DCP1A: variants seen among roughly 807,000 people sequenced by gnomAD.
The protein encoded by DCP1A is mRNA-decapping enzyme 1A.
Under a neutral mutation model 58.0 loss-of-function variants are expected in DCP1A, and 20 were observed. The observed-to-expected ratio is 0.34, with a 90% CI of 0.24 to 0.50. The LOEUF is 0.50. DCP1A is among the 20% of genes least tolerant of loss of function. The pLI is 0.98. For synonymous variants in DCP1A, 285 were observed against 275.1 expected, an observed-to-expected ratio of 1.04 and a Z score of -0.36; for missense variants, 613 against 712.2, an observed-to-expected ratio of 0.86 and a Z score of 1.59.
rs534878580 is a variant in DCP1A, at chr3:53,303,725, A to T, written c.624+452T>A. Among the ~76,000 whole-genome samples the T allele has an allele frequency of 3.1e-3, 471 of 152,318 alleles. 2 individuals carry two copies. Among genetic ancestry groups the T allele is most frequent in the African/African-American group, 0.011 (454 of 41,578 alleles). On this transcript the variant is annotated intron_variant, in intron 6 of 9. Transcript: ENST00000610213. Reference sequence around the variant, plus strand: ...CTCGAGGCAGGAACATATCTGGCACATTTGGGGAAAGACAAGAGAGCCAAT... The same window carrying T: ...CTCGAGGCAGGAACATATCTGGCACTTTTGGGGAAAGACAAGAGAGCCAAT...
In DCP1A at chr3:53,304,300, G is replaced by A. The variant is rs782590442; in HGVS notation, c.511-10C>T. On this transcript the variant is annotated splice_polypyrimidine_tract_variant and intron_variant, in intron 5 of 9. Coordinates refer to ENST00000610213, the MANE Select transcript of DCP1A (RefSeq NM_018403.7). The stretch of plus-strand genomic sequence containing the variant: ...AGTCACCCATCTGATTCTTTAAAAA[G>A]TTAAAAGAAAAAAATATATCTTGTG... 1.9e-6 allele frequency: 3 copies of A among 1,592,204 alleles called. No homozygotes were observed. The highest frequency in any genetic ancestry group is 1.7e-5 in the Admixed American group (1 of 57,688).
chr3:53,304,493 A>T (rs1035234332), intron 5 of DCP1A, among the ~76,000 whole-genome samples: 3 of 152,216 alleles, frequency 2.0e-5, no homozygotes, highest in African/African-American at 7.2e-5. Flanking sequence ...TTTAGACAAC[A>T]GTGTTGGCCA....
chr3:53,322,634 C>T (rs1195472355), intron 3 of DCP1A, among the ~76,000 whole-genome samples: 3 of 151,776 alleles, frequency 2.0e-5, no homozygotes, highest in African/African-American at 7.3e-5. Context: ...ACCCTGTTTA[C>T]AAAGGGCTTC....
In DCP1A at chr3:53,292,754, G is replaced by C; in HGVS notation, c.698C>G (p.Ala233Gly). The C allele has an allele frequency of 6.2e-7, 1 of 1,613,710 alleles. No homozygotes were observed. ...FGTSLPKEQP[A>G]VVGLDSEEME... is the part of the protein sequence containing the mutation. ...TTCTTCTGAATCCAGACCCACAACT[G>C]CTGGTTGTTCCTTTGGCAAAGAGGT... The change falls in exon 7 of 10, where the codon GCA (alanine) becomes GGA (glycine). Residue 233 changes from alanine (A) to glycine (G), a missense_variant. This residue lies in a region of DCP1A where 498 missense variants were observed against 556.7 expected (regional missense o/e 0.89). Transcript: ENST00000610213.
chr3:53,294,764 G>T (rs1308934313), intron 6 of DCP1A, among the ~76,000 whole-genome samples: 1 of 152,194 alleles, frequency 6.6e-6, no homozygotes, highest in African/African-American at 2.4e-5. Context: ...TATAAAGTAG[G>T]GAGGTCTGGT....
At chr3:53,339,562 T>C (rs1372201115) in intron 3 of DCP1A, among the ~76,000 whole-genome samples, 2 of 152,202 alleles carry the variant, frequency 1.3e-5, no homozygotes, top group African/African-American at 4.8e-5. Context: ...TAAAACCTAG[T>C]ATTAGCTTGT....
At chr3:53,299,139 G>GA (rs1553687129) in intron 6 of DCP1A, among the ~76,000 whole-genome samples, 2 of 152,212 alleles carry the variant, frequency 1.3e-5, no homozygotes, top group African/African-American at 4.8e-5. Flanking sequence ...CTAACTGGTT[G>GA]AATTTGTCAT....
At chr3:53,329,096 C>T (rs143604664) in intron 3 of DCP1A, 1 of 352,216 alleles carries the variant, frequency 2.8e-6, no homozygotes, top group African/African-American at 2.1e-5. Flanking sequence ...TTGGATTGGA[C>T]AAATTGTAAA....
intron 3 of DCP1A, among the ~76,000 whole-genome samples, chr3:53,327,146 T>C (rs1553690667): frequency 6.6e-6 from 1 of 152,124 alleles, no homozygotes; most frequent in African/African-American, 2.4e-5. Flanking sequence ...ATCTGGGAAA[T>C]AGGTCAGATG....
chr3:53,308,219 GAA>G lies in DCP1A; in HGVS notation c.511-3931_511-3930del, dbSNP rs1245572967. ...TTCTCTGTAAGCTGTTTTAAAAAAA[GAA>G]AAAACTTTTCTATAGTTTATACTGC... On this transcript the variant is annotated intron_variant, in intron 5 of 9. Transcript: ENST00000610213. 2.3e-3 allele frequency among the ~76,000 whole-genome samples: 349 copies of G among 151,800 alleles called. 2 individuals carry two copies. The highest frequency in any genetic ancestry group is 8.2e-3 in the African/African-American group (342 of 41,456).
intron 1 of DCP1A, 98 bp downstream of exon 1, chr3:53,347,285 G>A (rs782304181): frequency 2.1e-5 from 29 of 1,354,058 alleles, no homozygotes; most frequent in Non-Finnish European, 2.7e-5. Flanking sequence ...CACCGCCCTG[G>A]CCTCTTAGTG....
chr3:53,293,642 G>C (rs1707008571), intron 6 of DCP1A, among the ~76,000 whole-genome samples: 1 of 152,110 alleles, frequency 6.6e-6, no homozygotes. Context: ...GAGTGAATTA[G>C]TTGTTTAGAT....
At chr3:53,309,730 A>C (rs1490386679) in intron 5 of DCP1A, among the ~76,000 whole-genome samples, 1 of 152,200 alleles carries the variant, frequency 6.6e-6, no homozygotes, top group Non-Finnish European at 1.5e-5. Flanking sequence ...GTGCCCCTGC[A>C]CTCCAGCCTG....
intron 1 of DCP1A, among the ~76,000 whole-genome samples, chr3:53,345,566 G>C (rs565450908): frequency 2.0e-5 from 3 of 152,138 alleles, no homozygotes; most frequent in African/African-American, 4.8e-5. Flanking sequence ...AGTGTATTTA[G>C]GTTTTAAACA....
chr3:53,345,194 C>T (rs1284878085), intron 1 of DCP1A, among the ~76,000 whole-genome samples: 3 of 152,030 alleles, frequency 2.0e-5, no homozygotes, highest in African/African-American at 7.2e-5. Flanking sequence ...CAGTATTTTT[C>T]TTTTTTAATT....
rs1352325567 is a variant in DCP1A at position 53,283,797 on chromosome 3, T to G, written c.*3783A>C. ...GATAAAAAGGAAACACAATTCTGCA[T>G]TTTCCCCACTTTGAAGTGAATGATA... is the stretch of plus-strand genomic sequence containing the variant. On this transcript the variant is annotated 3_prime_UTR_variant, in exon 10 of 10. Transcript: ENST00000610213. 3 of 152,228 alleles carry G rather than the reference T, an allele frequency of 2.0e-5. No individual in the cohort carries two copies. Among genetic ancestry groups the G allele is most frequent in the African/African-American group, 7.2e-5 (3 of 41,468 alleles). 9.4% of individuals were successfully genotyped at this position (152,228 alleles called of 1,614,324 possible).
chr3:53,323,610 G>A (rs146120732), intron 3 of DCP1A, among the ~76,000 whole-genome samples: 5 of 152,270 alleles, frequency 3.3e-5, no homozygotes, highest in Non-Finnish European at 7.4e-5. Context: ...GCTCATGCCT[G>A]TAATCCCAGA....
chr3:53,333,941 C>T (rs1036749345), intron 3 of DCP1A, among the ~76,000 whole-genome samples: 4 of 151,924 alleles, frequency 2.6e-5, no homozygotes, highest in Admixed American at 2.6e-4. Context: ...AACCTTTCCA[C>T]GATCTTAGAG....
intron 4 of DCP1A, among the ~76,000 whole-genome samples, chr3:53,316,379 T>A (rs959739177): frequency 2.0e-5 from 3 of 152,112 alleles, no homozygotes; most frequent in Admixed American, 6.6e-5. Context: ...CAGCTATAAA[T>A]AGGCCAGACA....
Sources: allele counts gnomAD v4.1 joint callset (sites outside exome capture counted in the v4.1 genomes callset), GRCh38; gene constraint gnomAD v4.1.1; regional missense constraint gnomAD v4.1.1; transcripts MANE v1.5; gene names NCBI Gene and HGNC (gene_info 2026-07-23, HGNC 2026-07-21).